Variants in DAB1 observed in about 807,000 individuals in gnomAD.
DAB1 encodes DAB adaptor protein 1.
In DAB1, 15 loss-of-function variants were observed where a neutral mutation model predicts 64.6. The ratio of observed to expected loss-of-function variants is 0.23; its 90% confidence interval spans 0.16 to 0.36. DAB1 has a LOEUF of 0.36. Ranked by LOEUF, DAB1 falls within the 10% of genes least tolerant of loss-of-function variation. The pLI is 1.00. For synonymous variants in DAB1, 235 were observed against 251.9 expected, an observed-to-expected ratio of 0.93 and a Z score of 0.64; for missense variants, 596 against 706.7, an observed-to-expected ratio of 0.84 and a Z score of 1.78.
chr1:57,114,706 C>T (rs1363891079), intron 4 of DAB1, among the ~76,000 whole-genome samples: 1 of 152,186 alleles, frequency 6.6e-6, no homozygotes, highest in African/African-American at 2.4e-5. Context: ...CTCTGTTTGC[C>T]TTCCCAAAGC....
At chr1:58,316,884 TTTCTA>T (rs1662569124) in intron 4 of DAB1, among the ~76,000 whole-genome samples, 1 of 152,250 alleles carries the variant, frequency 6.6e-6, no homozygotes, top group African/African-American at 2.4e-5. Flanking sequence ...CTCAAGAGTT[TTTCTA>T]TTCTGAGTTG....
chr1:58,067,636 T>C (rs568074593), intron 5 of DAB1, among the ~76,000 whole-genome samples: 1 of 152,372 alleles, frequency 6.6e-6, no homozygotes, highest in African/African-American at 2.4e-5. Flanking sequence ...AATCTATCTA[T>C]ATTATTTTGT....
At chr1:58,222,299 T>A (rs1029852331) in intron 4 of DAB1, among the ~76,000 whole-genome samples, 1 of 151,972 alleles carries the variant, frequency 6.6e-6, no homozygotes, top group Non-Finnish European at 1.5e-5. Context: ...AATCCCTGGG[T>A]AATTTTTACA....
At chr1:58,415,478 T>G (rs999996808) in intron 3 of DAB1, 1 of 244,176 alleles carries the variant, frequency 4.1e-6, no homozygotes, top group Non-Finnish European at 6.6e-6. Flanking sequence ...TGGGGATACA[T>G]GCATATCCTA....
intron 8 of DAB1, among the ~76,000 whole-genome samples, chr1:57,068,208 TA>T (rs1651113115): frequency 6.6e-6 from 1 of 152,220 alleles, no homozygotes; most frequent in South Asian, 2.1e-4. Flanking sequence ...TTCCTCCTCA[TA>T]TTCAGATACT....
chr1:58,180,882 G>C (rs1175349565), intron 4 of DAB1, among the ~76,000 whole-genome samples: 1 of 152,058 alleles, frequency 6.6e-6, no homozygotes, highest in East Asian at 1.9e-4. Context: ...ACTGTTTTAT[G>C]CTCTATCACA....
rs769957253 is a variant in DAB1 at position 57,859,580 on chromosome 1, C to G, written n.87+24419G>C. Among the ~76,000 whole-genome samples, 6 of 152,170 alleles carry G rather than the reference C, an allele frequency of 3.9e-5. No individual in the cohort carries two copies. The South Asian group carries it at 1.2e-3, about 31-fold the overall frequency. On this transcript the variant is annotated intron_variant and non_coding_transcript_variant, in intron 1 of 1. Transcript: ENST00000477280. ...ACTTGAACCTATCTTTACTTCACTT[C>G]AAAATCTGAGAACTTTGCACAATGC...
chr1:58,247,267 G>A (rs12073967), intron 4 of DAB1, among the ~76,000 whole-genome samples: 8 of 71,614 alleles, frequency 1.1e-4, no homozygotes, highest in Admixed American at 3.6e-4. Flanking sequence ...TTCCCCCCCC[G>A]CCAGGTTAAA....
At chr1:57,383,949 T>C (rs1299884326) in intron 1 of DAB1, among the ~76,000 whole-genome samples, 2 of 152,130 alleles carry the variant, frequency 1.3e-5, no homozygotes, top group Non-Finnish European at 2.9e-5. Context: ...TCAAAGGACA[T>C]GATCAAAAGA....
chr1:57,606,793 T>TAG (rs760672200), intron 7 of DAB1, among the ~76,000 whole-genome samples: 1 of 24,220 alleles, frequency 4.1e-5, no homozygotes, highest in Admixed American at 7.7e-4. Flanking sequence ...TACATATATA[T>TAG]ATAGAGAGAG....
downstream of DAB1, among the ~76,000 whole-genome samples, chr1:57,824,660 C>T (rs142327615): frequency 1.3e-5 from 2 of 152,130 alleles, no homozygotes; most frequent in African/African-American, 4.8e-5. Context: ...GTGGGATATG[C>T]GTCTTAACCA....
intron 9 of DAB1, among the ~76,000 whole-genome samples, chr1:57,040,519 T>A (rs1440671696): frequency 6.6e-6 from 1 of 152,154 alleles, no homozygotes; most frequent in African/African-American, 2.4e-5. Context: ...ACAAGGAGGA[T>A]TTTAGGATTC....
intron 4 of DAB1, among the ~76,000 whole-genome samples, chr1:57,112,550 C>G (rs1655762281): frequency 6.6e-6 from 1 of 152,110 alleles, no homozygotes; most frequent in Admixed American, 6.6e-5. Context: ...TCTCTTTCAA[C>G]TAGGAGGCCA....
At chr1:58,166,283 C>T (rs1210714861) in intron 4 of DAB1, among the ~76,000 whole-genome samples, 16 of 152,140 alleles carry the variant, frequency 1.1e-4, no homozygotes. Context: ...ATTATCGCCA[C>T]CCCAAAAAGA....
intron 1 of DAB1, among the ~76,000 whole-genome samples, chr1:57,367,043 C>CAAAATAAAATAAAAAT (rs1680060879): frequency 1.1e-5 from 1 of 91,670 alleles, no homozygotes; most frequent in Non-Finnish European, 2.3e-5. Flanking sequence ...CCTGTCTCCA[C>CAAAATAAAATAAAAAT]AAAATAAAAT....
rs369382862 is a variant in DAB1, at chr1:57,259,119, C to G, written c.67+31845G>C. On this transcript the variant is annotated intron_variant, in intron 2 of 14. Transcript: ENST00000371236. Reference sequence around the variant, plus strand: ...ACACTTAGCTGTTGTGAAATATAAACCACAGTCACAACTCCCTGTACCAAC... The same window carrying G: ...ACACTTAGCTGTTGTGAAATATAAAGCACAGTCACAACTCCCTGTACCAAC... Among the ~76,000 whole-genome samples the G allele has an allele frequency of 6.1e-4, 93 of 152,314 alleles. 1 individual carries two copies. In the South Asian group the frequency reaches 0.017, roughly 28 times the overall value.
At chr1:57,618,804 A>G (rs1248603560) in intron 7 of DAB1, among the ~76,000 whole-genome samples, 1 of 152,198 alleles carries the variant, frequency 6.6e-6, no homozygotes, top group African/African-American at 2.4e-5. Flanking sequence ...GTGTGTGTGT[A>G]TATTTAAACT....
chr1:57,409,500 C>T (rs1683929107), intron 1 of DAB1, among the ~76,000 whole-genome samples: 1 of 152,160 alleles, frequency 6.6e-6, no homozygotes. Flanking sequence ...GAGTTTCAAT[C>T]TGTAGGTTAA....
intron 4 of DAB1, among the ~76,000 whole-genome samples, chr1:58,250,466 A>ACAGCAGCAGTAGCAG: frequency 6.6e-6 from 1 of 152,374 alleles, no homozygotes; most frequent in East Asian, 1.9e-4. Flanking sequence ...AGCGGTAGCA[A>ACAGCAGCAGTAGCAG]CAGCAGCAGT....
Sources: allele counts gnomAD v4.1 joint callset (sites outside exome capture counted in the v4.1 genomes callset), GRCh38; gene constraint gnomAD v4.1.1; transcripts MANE v1.5; gene names NCBI Gene and HGNC (gene_info 2026-07-23, HGNC 2026-07-21).